SLC8A2: variants seen among roughly 807,000 people sequenced by gnomAD.
SLC8A2 encodes solute carrier family 8 member A2.
A neutral mutation model predicts 70.2 loss-of-function variants in SLC8A2; 14 were observed. The observed-to-expected ratio is 0.20, with a 90% CI of 0.13 to 0.31. The LOEUF (loss-of-function observed/expected upper bound fraction) is 0.31, where lower values mean the gene tolerates loss of function less well. Ranked by LOEUF, SLC8A2 falls within the 10% of genes least tolerant of loss-of-function variation. The pLI, the probability that SLC8A2 is intolerant of heterozygous loss-of-function variation, is 1.00. For synonymous variants in SLC8A2, 575 were observed against 594.3 expected, an observed-to-expected ratio of 0.97 and a Z score of 0.47; for missense variants, 779 against 1,320.1, an observed-to-expected ratio of 0.59 and a Z score of 6.35.
At chr19:47,443,415 T>A (rs939948433) in intron 4 of SLC8A2, among the ~76,000 whole-genome samples, 1 of 152,204 alleles carries the variant, frequency 6.6e-6, no homozygotes, top group Non-Finnish European at 1.5e-5. Flanking sequence ...CTCTTTAGGC[T>A]GTAGGAACCA....
chr19:47,443,837 G>A (rs1002951919), intron 4 of SLC8A2, among the ~76,000 whole-genome samples: 3 of 152,052 alleles, frequency 2.0e-5, no homozygotes, highest in African/African-American at 7.2e-5. Context: ...TGACTCTCCA[G>A]CAGTCTCTCT....
rs1040154533 is a variant in SLC8A2, at chr19:47,466,604, T to C, written c.-16-185A>G. On this transcript the variant is annotated intron_variant, in intron 1 of 9. Transcript: ENST00000236877. The surrounding 1 kb of genome is among the most constrained non-coding windows in gnomAD (Gnocchi z 6.9). ...GAGACCCACAGAGAGAGAGAGAGAC[T>C]GAAAGATAAGGACAGAGGAACCCCC... Among the ~76,000 whole-genome samples the C allele has an allele frequency of 1.3e-5, 2 of 148,960 alleles. No individual in the cohort carries two copies. The highest frequency in any genetic ancestry group is 3.0e-5 in the Non-Finnish European group (2 of 67,012).
Position 47,428,234 on chromosome 19 carries a change from G to A in SLC8A2, c.*1855C>T, listed in dbSNP as rs955932773. The stretch of plus-strand genomic sequence containing the variant: ...ATAAGTGGGGGTGTGATTAGTGGAA[G>A]AGCTAGGCTGATGAATGGGGGCGTG... On this transcript the variant is annotated 3_prime_UTR_variant, in exon 10 of 10. Transcript: ENST00000236877. 4 of 152,072 alleles carry A rather than the reference G, an allele frequency of 2.6e-5. No individual in the cohort carries two copies. The highest frequency in any genetic ancestry group is 9.7e-5 in the African/African-American group (4 of 41,334). 9.4% of individuals were successfully genotyped at this position (152,072 alleles called of 1,614,324 possible).
Position 47,448,069 on chromosome 19 carries a change from C to T in SLC8A2, c.1503G>A (p.Arg501=), listed in dbSNP as rs1269500954. The stretch of plus-strand genomic sequence containing the variant: ...GCGGCGCCACCAGCCGCCCCTTGGG[C>T]CGCCCGCCGCCGTCCGGCTCGAACA... ...QGMFEPDGGG[R]PKGRLVAPLL... Residue 501 remains arginine, a synonymous_variant, in exon 4 of 10, where the codon CGG becomes CGA. Transcript: ENST00000236877. The surrounding 1 kb of genome is among the most constrained non-coding windows in gnomAD (Gnocchi z 4.8). The T allele has an allele frequency of 2.5e-6, 4 of 1,587,488 alleles. No individual in the cohort carries two copies. Among genetic ancestry groups the T allele is most frequent in the Non-Finnish European group, 3.4e-6 (4 of 1,166,746 alleles).
intron 3 of SLC8A2, among the ~76,000 whole-genome samples, chr19:47,456,235 T>C (rs1347901969): frequency 6.6e-6 from 1 of 151,168 alleles, no homozygotes; most frequent in Non-Finnish European, 1.5e-5. Context: ...GCAGGAGGAG[T>C]GGTGTGAAGA....
intron 2 of SLC8A2, among the ~76,000 whole-genome samples, chr19:47,463,223 C>T (rs1047074236): frequency 6.6e-6 from 1 of 151,870 alleles, no homozygotes; most frequent in African/African-American, 2.4e-5. Flanking sequence ...AGCTCCGCCT[C>T]CCGGGTTCAC....
chr19:47,458,776 CTG>C (rs1967350309), intron 2 of SLC8A2, among the ~76,000 whole-genome samples: 1 of 151,056 alleles, frequency 6.6e-6, no homozygotes, highest in African/African-American at 2.4e-5. Flanking sequence ...CTCTCAATAC[CTG>C]TGTTTCTCCA....
At chr19:47,457,755 TTTC>T (rs1490029107) in intron 2 of SLC8A2, among the ~76,000 whole-genome samples, 161 bp from the exon 3 acceptor site, 1 of 150,546 alleles carries the variant, frequency 6.6e-6, no homozygotes, top group Non-Finnish European at 1.5e-5. Context: ...CTTTTCTTTC[TTTC>T]TTTCTTTCCT....
chr19:47,469,796 G>A (rs1010870922), intron 1 of SLC8A2, among the ~76,000 whole-genome samples: 1 of 152,218 alleles, frequency 6.6e-6, no homozygotes, highest in African/African-American at 2.4e-5. Flanking sequence ...TGGAGCCCAG[G>A]GTGGGAGCGG....
chr19:47,433,230 C>A (rs765878761), intron 8 of SLC8A2, among the ~76,000 whole-genome samples: 1 of 152,148 alleles, frequency 6.6e-6, no homozygotes, highest in Non-Finnish European at 1.5e-5. Context: ...GTATTCACTT[C>A]CTCAGATTCA....
intron 6 of SLC8A2, among the ~76,000 whole-genome samples, chr19:47,440,590 C>T (rs1967088211): frequency 2.2e-5 from 2 of 89,452 alleles, no homozygotes; most frequent in African/African-American, 5.2e-5. Flanking sequence ...TCACACTCAG[C>T]TAATTTTTTT....
chr19:47,462,586 CTTT>C (rs542630404), intron 2 of SLC8A2, among the ~76,000 whole-genome samples: 3 of 117,412 alleles, frequency 2.6e-5, no homozygotes, highest in Non-Finnish European at 5.4e-5. Flanking sequence ...TTTTAAATTT[CTTT>C]TTTTTTTTTT....
chr19:47,453,496 C>G (rs1215810925), intron 3 of SLC8A2, among the ~76,000 whole-genome samples: 1 of 152,166 alleles, frequency 6.6e-6, no homozygotes, highest in Non-Finnish European at 1.5e-5. Context: ...TAAGGCAATG[C>G]CAGGCCTCGA....
chr19:47,464,602 C>T (rs565019721), intron 2 of SLC8A2, among the ~76,000 whole-genome samples: 1 of 152,276 alleles, frequency 6.6e-6, no homozygotes, highest in East Asian at 1.9e-4. Context: ...CTTCTGATCC[C>T]TCTGTTATAT....
intron 1 of SLC8A2, among the ~76,000 whole-genome samples, chr19:47,467,460 C>T (rs2122655320): frequency 6.6e-6 from 1 of 152,204 alleles, no homozygotes; most frequent in Middle Eastern, 3.4e-3. Flanking sequence ...GGGTCTCATT[C>T]ATGTCCCTCC....
intron 2 of SLC8A2, among the ~76,000 whole-genome samples, chr19:47,464,134 T>C (rs932484322): frequency 3.2e-4 from 48 of 152,158 alleles, no homozygotes; most frequent in African/African-American, 1.1e-3. Context: ...TTTTTTTAGA[T>C]AGAGTCTCAC....
chr19:47,452,048 C>T (rs916600867), intron 3 of SLC8A2, among the ~76,000 whole-genome samples: 8 of 152,010 alleles, frequency 5.3e-5, no homozygotes, highest in Non-Finnish European at 1.2e-4. Context: ...ACTCAATTGA[C>T]GTTGAGTTAA....
Position 47,432,636 on chromosome 19 carries a change from C to T in SLC8A2, c.2111-191G>A, listed in dbSNP as rs1458966718. The T allele has an allele frequency of 3.8e-4, 197 of 512,724 alleles. No homozygotes were observed. The highest frequency in any genetic ancestry group is 2.5e-3 in the Middle Eastern group (8 of 3,166). The allele number at this position is 512,724 out of a possible 1,614,324, so 31.8% of individuals were successfully genotyped here. ...TCCCAGAATCCCTTGAAGCTAGGAGCTTGATTGGGCCCAGGTGAAAAATAT... is the reference window on the plus strand; with the variant it reads ...TCCCAGAATCCCTTGAAGCTAGGAGTTTGATTGGGCCCAGGTGAAAAATAT... On this transcript the variant is annotated intron_variant, in intron 8 of 9. Transcript: ENST00000236877. This position sits in a 1 kb window ranked among gnomAD's most constrained non-coding sequence, Gnocchi z 6.2.
intron 4 of SLC8A2, among the ~76,000 whole-genome samples, chr19:47,446,185 G>A (rs1407078786): frequency 6.6e-6 from 1 of 151,958 alleles, no homozygotes; most frequent in African/African-American, 2.4e-5. Context: ...CTCCGCTTGA[G>A]TAGGAGGCGC....
Sources: allele counts gnomAD v4.1 joint callset (sites outside exome capture counted in the v4.1 genomes callset), GRCh38; gene constraint gnomAD v4.1.1; non-coding constraint Gnocchi (gnomAD v3.1); transcripts MANE v1.5; gene names NCBI Gene and HGNC (gene_info 2026-07-23, HGNC 2026-07-21).